Variants in ANKS1A observed in about 807,000 individuals in gnomAD.
ANKS1A encodes ankyrin repeat and sterile alpha motif domain containing 1A, also known as ankyrin repeat and SAM domain-containing protein 1A.
A neutral mutation model predicts 120.3 loss-of-function variants in ANKS1A; 55 were observed. The ratio of observed to expected loss-of-function variants is 0.46; its 90% CI spans 0.37 to 0.57. The LOEUF (loss-of-function observed/expected upper bound fraction) is 0.57, where lower values mean the gene tolerates loss of function less well. Among genes scored for constraint, ANKS1A ranks in the 20% least tolerant of loss-of-function variants. The pLI is 0.00. For synonymous variants in ANKS1A, 590 were observed against 604.7 expected (o/e 0.98, Z 0.36); for missense variants, 1,123 against 1,480.3 (o/e 0.76, Z 3.96).
At chr6:35,095,299 A>G (rs999568934), downstream of ANKS1A, among the ~76,000 whole-genome samples, 15 of 152,100 alleles carry the variant, frequency 9.9e-5, no homozygotes, top group Non-Finnish European at 1.8e-4. Context: ...CTGGCCGGGC[A>G]TGGTGACTCA....
intron 13 of ANKS1A, among the ~76,000 whole-genome samples, chr6:35,068,755 T>A (rs1776920968): frequency 6.6e-6 from 1 of 152,124 alleles, no homozygotes; most frequent in African/African-American, 2.4e-5. Flanking sequence ...TTTCTTCTCT[T>A]GCAAGAGAGG....
In ANKS1A at chr6:35,073,885, AGTAGTCACCACACAAGCTCATCCCCCG is replaced by A. The variant is rs920938048; in HGVS notation, c.2185-4670_2185-4644del. On this transcript the variant is annotated intron_variant, in intron 13 of 23. Transcript: ENST00000360359. Reference sequence around the variant, plus strand: ...TGCCCTTTGAGGATATGTGGCACTGAGTAGTCACCACACAAGCTCATCCCCCGGTGCGGAGATATGGCTACTTCAGGA... The same window carrying A: ...TGCCCTTTGAGGATATGTGGCACTGAGTGCGGAGATATGGCTACTTCAGGA... Among the ~76,000 whole-genome samples the A allele has an allele frequency of 2.8e-4, 43 of 152,224 alleles. 1 individual carries two copies. Among genetic ancestry groups the A allele is most frequent in the Admixed American group, 6.5e-4 (10 of 15,286 alleles).
intron 1 of ANKS1A, among the ~76,000 whole-genome samples, chr6:34,931,589 G>A (rs1768982204): frequency 6.6e-6 from 1 of 152,174 alleles, no homozygotes; most frequent in Non-Finnish European, 1.5e-5. Context: ...ACTTCATGGA[G>A]CCACAATCTT....
At chr6:35,083,526 T>TGGTG in intron 20 of ANKS1A, 23 bp downstream of exon 20, 1 of 1,610,870 alleles carries the variant, frequency 6.2e-7, no homozygotes, top group Non-Finnish European at 8.5e-7. Context: ...CAGGGACTCT[T>TGGTG]GGTGGGAGTG....
In ANKS1A at chr6:35,078,640, C is replaced by T; in HGVS notation, c.2267C>T (p.Ala756Val). The T allele has an allele frequency of 6.2e-7, 1 of 1,602,854 alleles. No individual in the cohort carries two copies. Among genetic ancestry groups the T allele is most frequent in the South Asian group, 1.1e-5 (1 of 91,084 alleles). ...PQHRRKLLQAARSLPKVKALG... is the reference protein window; with the variant it reads ...PQHRRKLLQAVRSLPKVKALG... ...CACCGGCGGAAGCTGCTCCAGGCGG[C>T]ACGCTCCCTACCCAAGGTGACCATC... Residue 756 changes from alanine to valine, a missense_variant, in exon 14 of 24, where the codon GCA becomes GTA. This residue lies in a region of ANKS1A where 904 missense variants were observed against 1,130.4 expected (regional missense o/e 0.80). Coordinates refer to ENST00000360359, the MANE Select transcript of ANKS1A (RefSeq NM_015245.3).
intron 1 of ANKS1A, among the ~76,000 whole-genome samples, chr6:34,940,725 A>G (rs1769481238): frequency 6.6e-6 from 1 of 151,958 alleles, no homozygotes; most frequent in African/African-American, 2.4e-5. Context: ...CCTAGCCAAC[A>G]TGATGAAACC....
chr6:35,081,462 C>T (rs1312772653), intron 17 of ANKS1A, among the ~76,000 whole-genome samples: 1 of 152,190 alleles, frequency 6.6e-6, no homozygotes, highest in East Asian at 1.9e-4. Flanking sequence ...TCTGTGGCCT[C>T]TTGCGTCCTG....
At chr6:35,071,727 G>A (rs1010363635) in intron 13 of ANKS1A, among the ~76,000 whole-genome samples, 9 of 152,374 alleles carry the variant, frequency 5.9e-5, no homozygotes, top group Middle Eastern at 3.4e-3. Context: ...ACTTCTCTGC[G>A]GTTTGGATGT....
chr6:34,955,779 A>G (rs1443303805), intron 1 of ANKS1A, among the ~76,000 whole-genome samples: 1 of 152,170 alleles, frequency 6.6e-6, no homozygotes, highest in African/African-American at 2.4e-5. Context: ...TTCTCTTTTT[A>G]TACTTGACTG....
At position 34,916,212 on chromosome 6, in the gene ANKS1A, C is replaced by T. The variant is rs117330315; in HGVS notation, c.197+26613C>T. On this transcript the variant is annotated intron_variant, in intron 1 of 23. Transcript: ENST00000360359. ...TTCACCATATTGGTCAGGGTGGTCT[C>T]GAACTCTTGGCCGCAGGTGATCCAT... 2.3e-3 allele frequency among the ~76,000 whole-genome samples: 350 copies of T among 152,028 alleles called. 9 individuals are homozygous for T. In the East Asian group the frequency reaches 0.063, roughly 27 times the overall value.
intron 1 of ANKS1A, among the ~76,000 whole-genome samples, chr6:34,949,061 G>T (rs751651829): frequency 2.6e-5 from 4 of 152,182 alleles, no homozygotes; most frequent in Non-Finnish European, 5.9e-5. Flanking sequence ...TAGGCATGGG[G>T]TTAGTGAGAT....
At chr6:35,093,287 G>A (rs1187748397), downstream of ANKS1A, among the ~76,000 whole-genome samples, 1 of 152,160 alleles carries the variant, frequency 6.6e-6, no homozygotes, top group African/African-American at 2.4e-5. Context: ...CAATTGGGCA[G>A]CCAAGGAGGA....
intron 13 of ANKS1A, among the ~76,000 whole-genome samples, chr6:35,061,593 C>G (rs1776508440): frequency 6.6e-6 from 1 of 152,226 alleles, no homozygotes; most frequent in African/African-American, 2.4e-5. Context: ...TCACCCAGAG[C>G]CATCTCCAAC....
At chr6:34,955,095 T>C (rs1236823672) in intron 1 of ANKS1A, among the ~76,000 whole-genome samples, 1 of 151,860 alleles carries the variant, frequency 6.6e-6, no homozygotes, top group Admixed American at 6.6e-5. Flanking sequence ...TACAATTAAT[T>C]AATTTTCTTC....
At chr6:35,020,792 A>G (rs1774295995) in intron 11 of ANKS1A, among the ~76,000 whole-genome samples, 1 of 152,202 alleles carries the variant, frequency 6.6e-6, no homozygotes, top group African/African-American at 2.4e-5. Context: ...ATTTGCTGAT[A>G]TCACCTGTGC....
intron 13 of ANKS1A, among the ~76,000 whole-genome samples, chr6:35,073,137 G>A (rs1326442930): frequency 6.6e-6 from 1 of 152,164 alleles, no homozygotes; most frequent in East Asian, 1.9e-4. Context: ...GCTGGACTGT[G>A]GTCAGAACTC....
intron 1 of ANKS1A, among the ~76,000 whole-genome samples, chr6:34,944,178 C>G (rs551797065): frequency 6.6e-6 from 1 of 151,730 alleles, no homozygotes; most frequent in Non-Finnish European, 1.5e-5. Context: ...CTCAGGAGGC[C>G]GAGGCAGGAG....
Position 34,981,702 on chromosome 6 carries a change from G to A in ANKS1A, c.448G>A (p.Glu150Lys). Residue 150 changes from glutamate to lysine, a missense_variant, in exon 4 of 24, where the codon GAG becomes AAG. By Grantham distance (56) the Glu-to-Lys change is moderately conservative (BLOSUM62 1). Around this residue, in one of 3 missense-constraint regions of ANKS1A, gnomAD observed 146 missense variants for 267.8 expected, o/e 0.55. Transcript: ENST00000360359. ...TRVNEQNNDN[E>K]TALHCAAQYG... ...GTTAACCCTTTAGAACAATGACAAC[G>A]AGACAGCCCTGCATTGTGCAGCGCA... 1.2e-6 allele frequency: 2 copies of A among 1,613,970 alleles called. No homozygotes were observed. Among genetic ancestry groups the A allele is most frequent in the Non-Finnish European group, 8.5e-7 (1 of 1,179,890 alleles).
intron 1 of ANKS1A, among the ~76,000 whole-genome samples, chr6:34,901,218 G>A (rs979922373): frequency 7.1e-6 from 1 of 140,292 alleles, no homozygotes; most frequent in Non-Finnish European, 1.6e-5. Context: ...TTCCAACTCT[G>A]TTTTTTTTTT....
Sources: allele counts gnomAD v4.1 joint callset (sites outside exome capture counted in the v4.1 genomes callset), GRCh38; gene constraint gnomAD v4.1.1; regional missense constraint gnomAD v4.1.1; transcripts MANE v1.5; gene names NCBI Gene and HGNC (gene_info 2026-07-23, HGNC 2026-07-21).